The following B3GLCT variants were observed in gnomAD, a reference collection of about 807,000 sequenced individuals.
B3GLCT encodes beta-1,3-glucosyltransferase.
A neutral mutation model predicts 63.4 loss-of-function variants in B3GLCT; 65 were observed. That is an observed-to-expected ratio of 1.03 (90% CI 0.84 to 1.26). The LOEUF is 1.26. Ranked by LOEUF, B3GLCT falls within the 50% of genes most tolerant of loss-of-function variation. B3GLCT has a pLI of 0.00. For synonymous variants in B3GLCT, 233 were observed against 219.2 expected (o/e 1.06, Z -0.55); for missense variants, 577 against 604.8 (o/e 0.95, Z 0.48).
intron 1 of B3GLCT, among the ~76,000 whole-genome samples, chr13:31,208,621 C>CT (rs1049601653): frequency 1.2e-5 from 1 of 84,778 alleles, no homozygotes; most frequent in Non-Finnish European, 2.2e-5. Flanking sequence ...CTTTAGTGGC[C>CT]CCCCCCCCCC....
intron 13 of B3GLCT, among the ~76,000 whole-genome samples, chr13:31,318,940 T>A (rs1352483912): frequency 6.6e-6 from 1 of 152,218 alleles, no homozygotes; most frequent in Non-Finnish European, 1.5e-5. Context: ...CATATTGGAT[T>A]TAGCTGTTGT....
chr13:31,263,988 C>G (rs1247736015), intron 7 of B3GLCT, among the ~76,000 whole-genome samples: 1 of 152,130 alleles, frequency 6.6e-6, no homozygotes, highest in African/African-American at 2.4e-5. Flanking sequence ...GGCTGGAAGT[C>G]CAAGATAAGG....
rs1870660620 is a variant in B3GLCT at position 31,236,669 on chromosome 13, T to C, written c.270+7375T>C. Reference sequence around the variant, plus strand: ...CCATAGTGAGCTGTTACAGCTTAGGTAATTTCATTTTTGGGTTAACAAGTC... The same window carrying C: ...CCATAGTGAGCTGTTACAGCTTAGGCAATTTCATTTTTGGGTTAACAAGTC... On this transcript the variant is annotated intron_variant, in intron 4 of 14. Coordinates refer to ENST00000343307, the MANE Select transcript of B3GLCT (RefSeq NM_194318.4). Among the ~76,000 whole-genome samples, 3 of 152,342 alleles carry C rather than the reference T, an allele frequency of 2.0e-5. No homozygotes were observed. The East Asian group carries it at 5.8e-4, about 29-fold the overall frequency.
intron 4 of B3GLCT, among the ~76,000 whole-genome samples, chr13:31,237,523 T>G (rs1870718233): frequency 6.6e-6 from 1 of 151,992 alleles, no homozygotes; most frequent in South Asian, 2.1e-4. Flanking sequence ...CTGGCTGATT[T>G]TTTGTATTTT....
chr13:31,219,520 C>G (rs1869718879), intron 2 of B3GLCT, among the ~76,000 whole-genome samples: 1 of 152,160 alleles, frequency 6.6e-6, no homozygotes, highest in Non-Finnish European at 1.5e-5. Flanking sequence ...ACTTTGAGCT[C>G]TGAATGACAG....
chr13:31,299,581 C>G (rs777048723), intron 12 of B3GLCT, among the ~76,000 whole-genome samples: 4 of 152,158 alleles, frequency 2.6e-5, no homozygotes, highest in Non-Finnish European at 4.4e-5. Flanking sequence ...TCAGTCTCTG[C>G]CTTTTTTTCT....
intron 6 of B3GLCT, 67 bp from the exon 7 acceptor site, chr13:31,260,879 C>G: frequency 7.1e-7 from 1 of 1,408,480 alleles, no homozygotes; most frequent in African/African-American, 1.4e-5. Flanking sequence ...ACCAATAGTA[C>G]CACCTTCTAT....
At chr13:31,240,467 G>GTTTTTT (rs146603707) in intron 4 of B3GLCT, among the ~76,000 whole-genome samples, 11 of 129,782 alleles carry the variant, frequency 8.5e-5, no homozygotes, top group Non-Finnish European at 1.5e-4. Flanking sequence ...TGCCTCTTTA[G>GTTTTTT]TTTTTTTTTT....
At chr13:31,255,684 T>C (rs1020924322) in intron 6 of B3GLCT, among the ~76,000 whole-genome samples, 1 of 151,612 alleles carries the variant, frequency 6.6e-6, no homozygotes, top group African/African-American at 2.4e-5. Flanking sequence ...ACAAACCTGA[T>C]GAAAGCAATA....
Position 31,330,894 on chromosome 13 carries a change from A to G in B3GLCT, c.*1226A>G, listed in dbSNP as rs941767856. On this transcript the variant is annotated 3_prime_UTR_variant, in exon 15 of 15. Transcript: ENST00000343307. ...TTGCTTATAATGCTTTTTATAGCCC[A>G]GCACAGAATTTAAAGCCATACCACC... The G allele has an allele frequency of 3.3e-5, 5 of 152,172 alleles. No individual in the cohort carries two copies. The highest frequency in any genetic ancestry group is 7.3e-5 in the Non-Finnish European group (5 of 68,028). 9.4% of individuals were successfully genotyped at this position (152,172 alleles called of 1,614,324 possible). A position where few individuals can be genotyped will look rare whatever the true frequency, so the allele number is the denominator to read the frequency against.
At chr13:31,204,425 C>T (rs554491281) in intron 1 of B3GLCT, among the ~76,000 whole-genome samples, 1 of 152,212 alleles carries the variant, frequency 6.6e-6, no homozygotes, top group South Asian at 2.1e-4. Context: ...GGGTAAGGGT[C>T]AAGGAAGGCT....
At chr13:31,310,036 A>G (rs1566092533) in intron 12 of B3GLCT, among the ~76,000 whole-genome samples, 1 of 152,182 alleles carries the variant, frequency 6.6e-6, no homozygotes, top group Non-Finnish European at 1.5e-5. Context: ...CCAGGTCCCC[A>G]GTGAAACCCA....
At chr13:31,219,973 G>A (rs114319679) in intron 2 of B3GLCT, among the ~76,000 whole-genome samples, 182 of 152,298 alleles carry the variant, frequency 1.2e-3, no homozygotes, top group Middle Eastern at 6.8e-3. Flanking sequence ...TTACTATCTT[G>A]TTCAACCTAC....
At chr13:31,215,123 CT>C in intron 2 of B3GLCT, 23 bp downstream of exon 2, 1 of 1,597,692 alleles carries the variant, frequency 6.3e-7, no homozygotes, top group Non-Finnish European at 8.6e-7. Context: ...ATGATCAAAT[CT>C]TTTCCTCCCT....
intron 4 of B3GLCT, among the ~76,000 whole-genome samples, chr13:31,240,844 C>G (rs1228641722): frequency 6.6e-6 from 1 of 152,042 alleles, no homozygotes; most frequent in South Asian, 2.1e-4. Context: ...CTGTTGAATG[C>G]AAATTTATCG....
intron 12 of B3GLCT, among the ~76,000 whole-genome samples, chr13:31,316,421 ATATATATAT>A (rs1875027402): frequency 9.2e-6 from 1 of 108,698 alleles, no homozygotes; most frequent in Non-Finnish European, 1.9e-5. Context: ...ATATATATAT[ATATATATAT>A]AAATTTTTTT....
At chr13:31,210,347 T>C (rs1158213576) in intron 1 of B3GLCT, among the ~76,000 whole-genome samples, 1 of 152,226 alleles carries the variant, frequency 6.6e-6, no homozygotes, top group Non-Finnish European at 1.5e-5. Context: ...ATTAAAGCAC[T>C]AAGGCCAAAT....
At chr13:31,243,989 G>A (rs752130094) in intron 4 of B3GLCT, among the ~76,000 whole-genome samples, 2 of 151,984 alleles carry the variant, frequency 1.3e-5, no homozygotes, top group Non-Finnish European at 2.9e-5. Context: ...TCTCATTATC[G>A]AGAGAATTTT....
chr13:31,302,130 A>G (rs1874251034), intron 12 of B3GLCT, among the ~76,000 whole-genome samples: 1 of 152,194 alleles, frequency 6.6e-6, no homozygotes, highest in Non-Finnish European at 1.5e-5. Flanking sequence ...TAGCATCTGT[A>G]AGACCTCAAG....
Sources: gnomAD v4.1 joint callset for allele counts (sites outside exome capture counted in the v4.1 genomes callset) on GRCh38, gnomAD v4.1.1 for gene constraint, MANE v1.5 for transcripts, NCBI Gene and HGNC (gene_info 2026-07-23, HGNC 2026-07-21) for gene names.